Variants in PLXNA1 observed in about 807,000 individuals in gnomAD.
PLXNA1 encodes the protein plexin-A1.
PLXNA1 carries 77 observed loss-of-function variants against 191.7 expected under a neutral mutation model. That is an observed-to-expected ratio of 0.40 (90% CI 0.33 to 0.49). The LOEUF (loss-of-function observed/expected upper bound fraction) is 0.49, where lower values mean the gene tolerates loss of function less well. PLXNA1 is among the 20% of genes least tolerant of loss of function. The pLI, the probability that PLXNA1 is intolerant of heterozygous loss-of-function variation, is 0.63. For synonymous variants in PLXNA1, 1,137 were observed against 1,156.4 expected (o/e 0.98, Z 0.34); for missense variants, 2,110 against 2,660.2 (o/e 0.79, Z 4.55).
chr3:127,004,720 G>T lies in PLXNA1; in HGVS notation c.1619+9G>T. Reference sequence around the variant, plus strand: ...TGTGTCCTGCACAGCATGTGAGTCTGGGCAGGTGGGCAGGGGCAGGCGGGG... The same window carrying T: ...TGTGTCCTGCACAGCATGTGAGTCTTGGCAGGTGGGCAGGGGCAGGCGGGG... On this transcript the variant is annotated intron_variant, in intron 5 of 31. Transcript: ENST00000393409. The T allele has an allele frequency of 6.3e-7, 1 of 1,584,556 alleles. No individual in the cohort carries two copies. The highest frequency in any genetic ancestry group is 8.6e-7 in the Non-Finnish European group (1 of 1,165,290).
chr3:126,989,528 T>G lies in PLXNA1; in HGVS notation c.935T>G (p.Val312Gly), dbSNP rs1576668026. 6.2e-7 allele frequency: 1 copy of G among 1,613,328 alleles called. No individual in the cohort carries two copies. Among genetic ancestry groups the G allele is most frequent in the Non-Finnish European group, 8.5e-7 (1 of 1,180,026 alleles). ...CAGGCGGGTGTGGAGTACCGCCTGG[T>G]GCAGGATGCCTACCTGAGCCGGCCC... ...CEQAGVEYRLVQDAYLSRPGR... is the reference protein window; with the variant it reads ...CEQAGVEYRLGQDAYLSRPGR... Residue 312 changes from valine to glycine, a missense_variant, in exon 2 of 32, where the codon GTG becomes GGG. Physicochemically the swap from Val to Gly is moderately radical, Grantham distance 109. This residue lies in a region of PLXNA1 where 903 missense variants were observed against 1,015.7 expected (regional missense o/e 0.89). Coordinates refer to ENST00000393409, the MANE Select transcript of PLXNA1 (RefSeq NM_032242.4).
intron 1 of PLXNA1, among the ~76,000 whole-genome samples, chr3:126,985,675 C>A (rs1354486682): frequency 6.6e-6 from 1 of 152,184 alleles, no homozygotes; most frequent in Non-Finnish European, 1.5e-5. Context: ...CTGGGCCCAG[C>A]TTTGGAATGA....
chr3:127,027,854 C>G, intron 23 of PLXNA1, 86 bp from the exon 24 acceptor site: 1 of 1,567,176 alleles, frequency 6.4e-7, no homozygotes, highest in Non-Finnish European at 8.7e-7. Flanking sequence ...GCCAGGAACA[C>G]CATGGCTGGC....
At position 127,017,429 on chromosome 3, in the gene PLXNA1, GC is replaced by G; in HGVS notation, c.3283del (p.Leu1095TrpfsTer69). On this transcript the variant is annotated frameshift_variant, in exon 18 of 32. Transcript: ENST00000393409. LOFTEE classifies it high-confidence loss of function. Reference sequence around the variant, plus strand: ...ATCCCCACCCTGTGTCTCCAGGGCTGCCTGGTGTACAATGACACCACCATGG... The same window carrying G: ...ATCCCCACCCTGTGTCTCCAGGGCTGCTGGTGTACAATGACACCACCATGG... Reference protein sequence around the residue: ...KYGGIERENGCLVYNDTTMVC... With the variant: ...KYGGIERENGXLVYNDTTMVC... 6.2e-7 allele frequency: 1 copy of G among 1,612,316 alleles called. No homozygotes were observed. The highest frequency in any genetic ancestry group is 2.2e-5 in the East Asian group (1 of 44,858).
In PLXNA1 at chr3:126,989,784, C is replaced by G; in HGVS notation, c.1191C>G (p.Asn397Lys). The change falls in exon 2 of 32, where the codon AAC becomes AAG. Residue 397 changes from asparagine (N) to lysine (K), a missense_variant. By Grantham distance (94) the Asn-to-Lys change is moderately conservative (BLOSUM62 0). Coordinates refer to ENST00000393409, the MANE Select transcript of PLXNA1 (RefSeq NM_032242.4). ...TCAACAAGGAGCTGGGCTGCATCAA[C>G]TCGGTGAGTTGGGCAGGGGCGCCCC... is the stretch of plus-strand genomic sequence containing the variant. ...WLLNKELGCI[N>K]SPLQIDDDFC... 6.2e-7 allele frequency: 1 copy of G among 1,602,442 alleles called. No homozygotes were observed. Among genetic ancestry groups the G allele is most frequent in the Non-Finnish European group, 8.5e-7 (1 of 1,173,198 alleles).
intron 31 of PLXNA1, among the ~76,000 whole-genome samples, chr3:127,033,061 G>A (rs2107639754): frequency 6.6e-6 from 1 of 152,352 alleles, no homozygotes; most frequent in South Asian, 2.1e-4. Flanking sequence ...AGCCATGTGG[G>A]GTCAGGGGTG....
At position 127,034,943 on chromosome 3, in the gene PLXNA1, ACT is replaced by A. The variant is rs1679352692; in HGVS notation, c.*933_*934del. On this transcript the variant is annotated 3_prime_UTR_variant, in exon 32 of 32. Transcript: ENST00000393409. ...GGCCCCTGAGCACTCCTCTCTCTCC[ACT>A]CTCTCTGTCCCTGCCCCAGCGGCTT... 1 of 152,062 alleles carries A rather than the reference ACT, an allele frequency of 6.6e-6. No homozygotes were observed. The highest frequency in any genetic ancestry group is 2.4e-5 in the African/African-American group (1 of 41,218). 9.4% of individuals were successfully genotyped at this position (152,062 alleles called of 1,614,324 possible). A position where few individuals can be genotyped will look rare whatever the true frequency, so the allele number is the denominator to read the frequency against.
rs1421008274 is a variant in PLXNA1 at position 127,036,465 on chromosome 3, A to G, written c.*2448A>G. The stretch of plus-strand genomic sequence containing the variant: ...AGAGCACATGGCTGTGTCTAGGCGC[A>G]AGCACTTTAGCAGTATCTGTTTACA... On this transcript the variant is annotated 3_prime_UTR_variant, in exon 32 of 32. Coordinates refer to ENST00000393409, the MANE Select transcript of PLXNA1 (RefSeq NM_032242.4). 1.3e-5 allele frequency: 2 copies of G among 152,436 alleles called. No homozygotes were observed. Among genetic ancestry groups the G allele is most frequent in the Non-Finnish European group, 2.9e-5 (2 of 68,042 alleles). The allele number at this position is 152,436 out of a possible 1,614,324, so 9.4% of individuals were successfully genotyped here.
chr3:127,029,159 C>A, intron 26 of PLXNA1, 63 bp downstream of exon 26: 2 of 1,302,424 alleles, frequency 1.5e-6, no homozygotes, highest in Non-Finnish European at 2.2e-6. Flanking sequence ...CACAGCGCAG[C>A]CACCAATGTT....
At chr3:127,017,977 A>C in intron 19 of PLXNA1, 85 bp downstream of exon 19, 1 of 1,543,788 alleles carries the variant, frequency 6.5e-7, no homozygotes, top group Non-Finnish European at 8.7e-7. Flanking sequence ...CCCAGCTCTG[A>C]CCTTGCCCGA....
At chr3:127,008,214 G>C (rs986823847) in intron 9 of PLXNA1, among the ~76,000 whole-genome samples, 11 of 152,172 alleles carry the variant, frequency 7.2e-5, no homozygotes, top group Admixed American at 3.9e-4. Flanking sequence ...CTGTCCCTGG[G>C]CCTCTGTGTG....
chr3:127,022,949 G>A lies in PLXNA1; in HGVS notation c.4362+131G>A. On this transcript the variant is annotated intron_variant, in intron 23 of 31. Coordinates refer to ENST00000393409, the MANE Select transcript of PLXNA1 (RefSeq NM_032242.4). ...TGGGGTCTTGGTCGAGTTCTGGCTT[G>A]GGCCAAGGCCCCTGGGCATGCAGCC... The A allele has an allele frequency of 3.7e-6, 3 of 805,468 alleles. No individual in the cohort carries two copies. In the South Asian group the frequency reaches 4.8e-5, roughly 13 times the overall value. The allele number at this position is 805,468 out of a possible 1,614,324, so 49.9% of individuals were successfully genotyped here. A position where few individuals can be genotyped will look rare whatever the true frequency, so the allele number is the denominator to read the frequency against.
chr3:126,984,624 G>GT (rs2078948230), intron 1 of PLXNA1, among the ~76,000 whole-genome samples: 2 of 151,548 alleles, frequency 1.3e-5, no homozygotes, highest in South Asian at 4.2e-4. Flanking sequence ...CATTCCTGGG[G>GT]GGTGCCAGTG....
intron 10 of PLXNA1, among the ~76,000 whole-genome samples, chr3:127,013,339 G>A (rs898312707): frequency 1.3e-5 from 2 of 150,450 alleles, no homozygotes; most frequent in Non-Finnish European, 3.0e-5. Flanking sequence ...GAATTTGACA[G>A]GATCCAATTA....
At chr3:127,010,557 G>C (rs1474868514) in intron 9 of PLXNA1, among the ~76,000 whole-genome samples, 1 of 152,208 alleles carries the variant, frequency 6.6e-6, no homozygotes. Context: ...CAGAGGGCAG[G>C]GGTGGCGAGG....
At chr3:127,023,936 G>A (rs1263346541) in intron 23 of PLXNA1, among the ~76,000 whole-genome samples, 1 of 152,136 alleles carries the variant, frequency 6.6e-6, no homozygotes, top group Non-Finnish European at 1.5e-5. Flanking sequence ...TCTGTCCTGG[G>A]TCGTCTCTGG....
intron 30 of PLXNA1, 21 bp from the exon 31 acceptor site, chr3:127,032,665 C>T: frequency 6.2e-7 from 1 of 1,611,996 alleles, no homozygotes; most frequent in South Asian, 1.1e-5. Flanking sequence ...CTCATGTGCC[C>T]ACCTGGCCAC....
chr3:127,032,774 C>A lies in PLXNA1; in HGVS notation c.5533C>A (p.Gln1845Lys), dbSNP rs1454850564. ...TGAGCAGTCCCGCCTGCACCTGAGC[C>A]AGTTCAACAGCATGAGCGCCTTGCA... ...LAEQSRLHLS[Q>K]FNSMSALHEI... Residue 1845 changes from glutamine to lysine, a missense_variant, in exon 31 of 32, where the codon CAG becomes AAG. Gln to Lys is a moderately conservative substitution (Grantham distance 53). Around this residue, in one of 4 missense-constraint regions of PLXNA1, gnomAD observed 559 missense variants for 911.5 expected, o/e 0.61. Transcript: ENST00000393409. 1.2e-6 allele frequency: 2 copies of A among 1,613,368 alleles called. No homozygotes were observed. Among genetic ancestry groups the A allele is most frequent in the Non-Finnish European group, 8.5e-7 (1 of 1,179,976 alleles).
chr3:127,033,700 T>A (rs2079224082), intron 31 of PLXNA1, among the ~76,000 whole-genome samples: 1 of 152,022 alleles, frequency 6.6e-6, no homozygotes, highest in Non-Finnish European at 1.5e-5. Flanking sequence ...AGCCAAGGGA[T>A]CAGAGCCTGC....
Sources: gnomAD v4.1 joint callset for allele counts (sites outside exome capture counted in the v4.1 genomes callset) on GRCh38, gnomAD v4.1.1 for gene constraint, gnomAD v4.1.1 regional missense constraint, MANE v1.5 for transcripts, NCBI Gene and HGNC (gene_info 2026-07-23, HGNC 2026-07-21) for gene names.